The following ARIH1 variants were observed in gnomAD, a reference collection of about 807,000 sequenced individuals.
ARIH1 encodes E3 ubiquitin-protein ligase ARIH1.
A neutral mutation model predicts 85.0 loss-of-function variants in ARIH1; 8 were observed. That is an observed-to-expected ratio of 0.09 (90% confidence interval 0.06 to 0.17). ARIH1 has a LOEUF of 0.17. Ranked by LOEUF, ARIH1 falls within the 10% of genes least tolerant of loss-of-function variation. The pLI, the probability that ARIH1 is intolerant of heterozygous loss-of-function variation, is 1.00. For synonymous variants in ARIH1, 238 were observed against 253.6 expected (o/e 0.94, Z 0.59); for missense variants, 311 against 718.1 (o/e 0.43, Z 6.48).
At position 72,587,260 on chromosome 15, in the gene ARIH1, TG is replaced by T. The variant is rs758978114; in HGVS notation, c.*3970del. 2.3e-5 allele frequency: 12 copies of T among 529,226 alleles called. No individual in the cohort carries two copies. Among genetic ancestry groups the T allele is most frequent in the Middle Eastern group, 6.8e-4 (2 of 2,948 alleles). The allele number at this position is 529,226 out of a possible 1,614,324, so 32.8% of individuals were successfully genotyped here. ...CTCTTTGTATCATATTTTGTTATTC[TG>T]GTCACAGAATGACCTAGTATTCTGT... On this transcript the variant is annotated 3_prime_UTR_variant, in exon 14 of 14. Coordinates refer to ENST00000379887, the MANE Select transcript of ARIH1 (RefSeq NM_005744.5).
intron 2 of ARIH1, among the ~76,000 whole-genome samples, chr15:72,535,152 C>T (rs1475774926): frequency 4.6e-5 from 7 of 150,856 alleles, no homozygotes; most frequent in East Asian, 2.0e-4. Flanking sequence ...GGGGTTTCAC[C>T]GTGTTAGCCA....
At chr15:72,522,867 T>C (rs1343209688) in intron 2 of ARIH1, among the ~76,000 whole-genome samples, 1 of 152,186 alleles carries the variant, frequency 6.6e-6, no homozygotes, top group Non-Finnish European at 1.5e-5. Flanking sequence ...AAAGAAGTTA[T>C]ACAGATGGCA....
chr15:72,497,263 T>C (rs537865988), intron 1 of ARIH1, among the ~76,000 whole-genome samples: 11 of 152,232 alleles, frequency 7.2e-5, no homozygotes, highest in Non-Finnish European at 1.3e-4. Context: ...TATGTGTGTA[T>C]ATTTATGTGT....
chr15:72,530,858 G>A (rs2140417328), intron 2 of ARIH1, among the ~76,000 whole-genome samples: 1 of 152,238 alleles, frequency 6.6e-6, no homozygotes, highest in East Asian at 1.9e-4. Context: ...ATTAAAAGAT[G>A]GAAAATACAG....
chr15:72,580,708 C>T (rs370531750), intron 11 of ARIH1, 23 bp from the exon 12 acceptor site: 19 of 1,591,358 alleles, frequency 1.2e-5, no homozygotes, highest in Non-Finnish European at 1.6e-5. Flanking sequence ...AATTATATCA[C>T]CCAATTTTTC....
At position 72,544,852 on chromosome 15, in the gene ARIH1, C is replaced by T; in HGVS notation, c.476C>T (p.Ala159Val). The part of the protein sequence containing the change: ...YFDGNLEKLF[A>V]ECHVINPSKK... ...GATGGAAACCTGGAGAAGCTCTTTG[C>T]TGAGTGTCATGTAATTAATCCAAGT... is the stretch of plus-strand genomic sequence containing the variant. Residue 159 changes from alanine (A) to valine (V), a missense_variant, in exon 3 of 14, where the codon GCT becomes GTT. By Grantham distance (64) the Ala-to-Val change is moderately conservative. Around this residue, in one of 3 missense-constraint regions of ARIH1, gnomAD observed 104 missense variants for 221.4 expected, o/e 0.47. Transcript: ENST00000379887. 1 of 1,613,274 alleles carries T rather than the reference C, an allele frequency of 6.2e-7. No homozygotes were observed. Among genetic ancestry groups the T allele is most frequent in the South Asian group, 1.1e-5 (1 of 91,020 alleles).
rs2064386885 is a variant in ARIH1 at position 72,602,897 on chromosome 15, C to T, written c.*19605C>T. ...TTTCTAGTGGATACTGTTTTCTGTACCTCACTACGGATGTATTTTGCTGCT... is the reference window on the plus strand; with the variant it reads ...TTTCTAGTGGATACTGTTTTCTGTATCTCACTACGGATGTATTTTGCTGCT... On this transcript the variant is annotated 3_prime_UTR_variant, in exon 14 of 14. Transcript: ENST00000379887. 6.6e-6 allele frequency: 1 copy of T among 152,172 alleles called. No individual in the cohort carries two copies. The highest frequency in any genetic ancestry group is 1.5e-5 in the Non-Finnish European group (1 of 68,046). 9.4% of individuals were successfully genotyped at this position (152,172 alleles called of 1,614,324 possible). A position where few individuals can be genotyped will look rare whatever the true frequency, so the allele number is the denominator to read the frequency against.
intron 11 of ARIH1, among the ~76,000 whole-genome samples, chr15:72,578,559 T>C (rs544265676): frequency 1.4e-4 from 22 of 152,332 alleles, no homozygotes; most frequent in South Asian, 4.1e-4. Context: ...AGGCTACATA[T>C]GTCTTATGCA....
chr15:72,580,662 T>C lies in ARIH1; in HGVS notation c.1216-69T>C, dbSNP rs1449316678. 4.2e-6 allele frequency: 6 copies of C among 1,423,250 alleles called. No individual in the cohort carries two copies. The African/African-American group carries it at 7.1e-5, about 17-fold the overall frequency. 88.2% of individuals were successfully genotyped at this position (1,423,250 alleles called of 1,614,324 possible). On this transcript the variant is annotated intron_variant, in intron 11 of 13. Transcript: ENST00000379887. ...AGTGAGACTTCATTATGGTTTTAAT[T>C]TGATAATCAGCTTTTATGTACAGTT...
chr15:72,488,544 T>C (rs2063846507), intron 1 of ARIH1, among the ~76,000 whole-genome samples: 1 of 152,220 alleles, frequency 6.6e-6, no homozygotes, highest in Admixed American at 6.5e-5. Context: ...GGTTATGATA[T>C]AGCTATCCCT....
At chr15:72,526,645 C>T (rs1466312428) in intron 2 of ARIH1, among the ~76,000 whole-genome samples, 1 of 152,096 alleles carries the variant, frequency 6.6e-6, no homozygotes, top group Non-Finnish European at 1.5e-5. Flanking sequence ...GTGGGTGTCT[C>T]ACTTCAGTGC....
intron 3 of ARIH1, among the ~76,000 whole-genome samples, chr15:72,549,950 C>G (rs563780238): frequency 6.6e-6 from 1 of 152,112 alleles, no homozygotes; most frequent in South Asian, 2.1e-4. Context: ...GTGAACCTAG[C>G]TCAAGGTTAT....
chr15:72,499,929 A>G (rs1346062086), intron 1 of ARIH1, among the ~76,000 whole-genome samples: 1 of 151,578 alleles, frequency 6.6e-6, no homozygotes, highest in Non-Finnish European at 1.5e-5. Context: ...CCCCTGCAAC[A>G]CTCTTAGGCT....
chr15:72,590,317 A>G lies in ARIH1; in HGVS notation c.*7025A>G, dbSNP rs2064337570. On this transcript the variant is annotated 3_prime_UTR_variant, in exon 14 of 14. Coordinates refer to ENST00000379887, the MANE Select transcript of ARIH1 (RefSeq NM_005744.5). ...CCAAAAGCACCAGCTAAAATTGTAT[A>G]TAGACTGATTAGGGGACTTCCAACC... 1 of 152,244 alleles carries G rather than the reference A, an allele frequency of 6.6e-6. No individual in the cohort carries two copies. The highest frequency in any genetic ancestry group is 1.5e-5 in the Non-Finnish European group (1 of 68,046). 9.4% of individuals were successfully genotyped at this position (152,244 alleles called of 1,614,324 possible). A position where few individuals can be genotyped will look rare whatever the true frequency, so the allele number is the denominator to read the frequency against.
chr15:72,480,260 C>CA (rs202232834), intron 1 of ARIH1, among the ~76,000 whole-genome samples: 27 of 149,334 alleles, frequency 1.8e-4, no homozygotes, highest in African/African-American at 6.5e-4. Context: ...TCAGAACCTT[C>CA]AAATTTTTTT....
At chr15:72,557,251 G>A (rs868353316) in intron 5 of ARIH1, among the ~76,000 whole-genome samples, 2 of 151,888 alleles carry the variant, frequency 1.3e-5, no homozygotes, top group Admixed American at 6.6e-5. Flanking sequence ...TGTTGGCTGC[G>A]TATATGTCTT....
chr15:72,501,315 T>TA (rs1370854278), intron 1 of ARIH1, among the ~76,000 whole-genome samples: 1 of 152,220 alleles, frequency 6.6e-6, no homozygotes, highest in Non-Finnish European at 1.5e-5. Flanking sequence ...CCCACTCTTT[T>TA]AAAATAAAGT....
chr15:72,538,700 A>C lies in ARIH1; in HGVS notation c.444-6120A>C, dbSNP rs182324121. The stretch of plus-strand genomic sequence containing the variant: ...TTCATATTATTTGGTATGTTTCTCT[A>C]TAGCAGGCAAGTAAAATGAAAAATT... On this transcript the variant is annotated intron_variant, in intron 2 of 13. Coordinates refer to ENST00000379887, the MANE Select transcript of ARIH1 (RefSeq NM_005744.5). 4.6e-5 allele frequency among the ~76,000 whole-genome samples: 7 copies of C among 152,336 alleles called. No individual in the cohort carries two copies. In the East Asian group the frequency reaches 1.3e-3, roughly 29 times the overall value.
chr15:72,484,511 T>C lies in ARIH1; in HGVS notation c.375+9497T>C, dbSNP rs539443669. Among the ~76,000 whole-genome samples the C allele has an allele frequency of 7.9e-5, 12 of 152,054 alleles. No individual in the cohort carries two copies. In the East Asian group the frequency reaches 2.1e-3, roughly 27 times the overall value. On this transcript the variant is annotated intron_variant, in intron 1 of 13. Transcript: ENST00000379887. The stretch of plus-strand genomic sequence containing the variant: ...TAGCTCCCACTTATGAGTGAGAACA[T>C]ATAATGTTTGGTTTTCTGTTCTTGA...
Sources: allele counts gnomAD v4.1 joint callset (sites outside exome capture counted in the v4.1 genomes callset), GRCh38; gene constraint gnomAD v4.1.1; regional missense constraint gnomAD v4.1.1; transcripts MANE v1.5; gene names NCBI Gene and HGNC (gene_info 2026-07-23, HGNC 2026-07-21).